GALNTL6: variants seen among roughly 807,000 people sequenced by gnomAD.
GALNTL6 encodes polypeptide N-acetylgalactosaminyltransferase like 6.
In GALNTL6, 46 loss-of-function variants were observed where a neutral mutation model predicts 73.7. The observed-to-expected ratio is 0.62, with a 90% CI of 0.49 to 0.80. GALNTL6 has a LOEUF of 0.80. Among genes scored for constraint, GALNTL6 ranks in the 30% least tolerant of loss-of-function variants. The probability of loss-of-function intolerance (pLI) is 0.00; values close to 1 mark genes in which losing one functional copy is unlikely to be tolerated. For synonymous variants in GALNTL6, 259 were observed against 263.7 expected, an observed-to-expected ratio of 0.98 and a Z score of 0.17; for missense variants, 604 against 755.0, an observed-to-expected ratio of 0.80 and a Z score of 2.34.
At chr4:172,208,528 T>C (rs1161892762) in intron 2 of GALNTL6, among the ~76,000 whole-genome samples, 1 of 152,146 alleles carries the variant, frequency 6.6e-6, no homozygotes, top group East Asian at 1.9e-4. Flanking sequence ...TATGATTTGG[T>C]ATTTTTCTAA....
chr4:172,370,997 T>A (rs1409596307), intron 5 of GALNTL6, among the ~76,000 whole-genome samples: 1 of 152,216 alleles, frequency 6.6e-6, no homozygotes, highest in African/African-American at 2.4e-5. Context: ...GGATTTTAAT[T>A]TTTCTTTGCT....
At position 172,109,561 on chromosome 4, in the gene GALNTL6, AT is replaced by A. The variant is rs150462096; in HGVS notation, c.139-120094del. Among the ~76,000 whole-genome samples, 70 of 152,358 alleles carry A rather than the reference AT, an allele frequency of 4.6e-4. 1 individual carries two copies. Among genetic ancestry groups the A allele is most frequent in the African/African-American group, 1.6e-3 (65 of 41,590 alleles). On this transcript the variant is annotated intron_variant, in intron 2 of 12. Coordinates refer to ENST00000506823, the MANE Select transcript of GALNTL6 (RefSeq NM_001034845.3). ...GAATGACCCAGTTGTAAAGTTGTGA[AT>A]AACTCTGTCAACAAAAATTTTTGCA...
intron 2 of GALNTL6, among the ~76,000 whole-genome samples, chr4:171,906,092 G>T (rs1474818742): frequency 6.6e-6 from 1 of 152,038 alleles, no homozygotes; most frequent in Non-Finnish European, 1.5e-5. Context: ...AACTAGAAAA[G>T]CAAGAGCAAA....
At chr4:172,371,535 T>C (rs1429989775) in intron 5 of GALNTL6, among the ~76,000 whole-genome samples, 2 of 152,232 alleles carry the variant, frequency 1.3e-5, no homozygotes, top group Non-Finnish European at 2.9e-5. Context: ...TCTCTCTTTC[T>C]TTCTCTTTGA....
At position 172,904,637 on chromosome 4, in the gene GALNTL6, C is replaced by G. The variant is rs543061561; in HGVS notation, c.1041+21730C>G. On this transcript the variant is annotated intron_variant, in intron 8 of 12. Transcript: ENST00000506823. ...GGTCCTCTCCTTTGCCCCTTCCTCT[C>G]CACCCTGGTCCTCCAGACCTGTTCC... Among the ~76,000 whole-genome samples the G allele has an allele frequency of 4.6e-5, 7 of 152,250 alleles. No individual in the cohort carries two copies. In the South Asian group the frequency reaches 1.2e-3, roughly 27 times the overall value.
At chr4:172,400,344 T>G (rs747419011) in intron 5 of GALNTL6, among the ~76,000 whole-genome samples, 6 of 152,260 alleles carry the variant, frequency 3.9e-5, no homozygotes, top group Non-Finnish European at 8.8e-5. Flanking sequence ...TTTGCAAAAT[T>G]TATTTGGTAC....
At chr4:172,347,433 A>G (rs1578980253) in intron 4 of GALNTL6, among the ~76,000 whole-genome samples, 1 of 152,226 alleles carries the variant, frequency 6.6e-6, no homozygotes, top group Non-Finnish European at 1.5e-5. Context: ...AACACTGTGA[A>G]GTGTAATGGT....
At chr4:173,022,182 A>C (rs1753040742) in intron 12 of GALNTL6, among the ~76,000 whole-genome samples, 1 of 142,018 alleles carries the variant, frequency 7.0e-6, no homozygotes, top group Admixed American at 7.1e-5. Context: ...GGAGAGAGGG[A>C]GGGAGGGAGG....
chr4:171,819,422 T>TAA (rs1344786684), intron 2 of GALNTL6, among the ~76,000 whole-genome samples: 1 of 152,252 alleles, frequency 6.6e-6, no homozygotes, highest in Admixed American at 6.5e-5. Context: ...AATAAATAAT[T>TAA]TTTCCCCTCT....
At chr4:171,975,930 AT>A (rs35300230) in intron 2 of GALNTL6, among the ~76,000 whole-genome samples, 65,249 of 151,500 alleles carry the variant, frequency 0.43, 16,788 homozygotes, top group Non-Finnish European at 0.57. Flanking sequence ...TACAAGCGGC[AT>A]TTTTTTTTAA....
At chr4:172,945,103 C>T (rs1285400875) in intron 9 of GALNTL6, among the ~76,000 whole-genome samples, 1 of 149,526 alleles carries the variant, frequency 6.7e-6, no homozygotes, top group Non-Finnish European at 1.5e-5. Context: ...AGAATGAATA[C>T]ATGCAGCTGC....
chr4:171,868,850 T>C (rs1736048215), intron 2 of GALNTL6, among the ~76,000 whole-genome samples: 1 of 152,108 alleles, frequency 6.6e-6, no homozygotes, highest in Non-Finnish European at 1.5e-5. Context: ...TGGCTAAGTT[T>C]TTGTATTTTT....
chr4:172,957,257 T>C (rs1001675172), intron 10 of GALNTL6, among the ~76,000 whole-genome samples: 3 of 152,060 alleles, frequency 2.0e-5, no homozygotes, highest in Admixed American at 2.0e-4. Context: ...ATTTCCATGA[T>C]GAAAAGGAAA....
intron 3 of GALNTL6, among the ~76,000 whole-genome samples, chr4:172,297,807 T>A (rs1345233906): frequency 6.6e-6 from 1 of 152,150 alleles, no homozygotes. Context: ...CTTTGTTCTT[T>A]TGGCTTAGGA....
chr4:172,179,312 C>T (rs1339818623), intron 2 of GALNTL6, among the ~76,000 whole-genome samples: 4 of 151,132 alleles, frequency 2.6e-5, no homozygotes, highest in Non-Finnish European at 5.9e-5. Flanking sequence ...TCCTCTCCAG[C>T]ACCTGTTGTT....
intron 9 of GALNTL6, among the ~76,000 whole-genome samples, chr4:172,947,729 CAT>C (rs765686297): frequency 1.3e-5 from 2 of 152,140 alleles, no homozygotes; most frequent in Non-Finnish European, 2.9e-5. Context: ...TGATTCTGCA[CAT>C]GTTTACACAG....
At chr4:172,848,987 G>A (rs1023664083) in intron 7 of GALNTL6, among the ~76,000 whole-genome samples, 1 of 152,118 alleles carries the variant, frequency 6.6e-6, no homozygotes, top group African/African-American at 2.4e-5. Context: ...CTGAAAGTCT[G>A]CTTCAGAAGC....
At chr4:172,380,059 C>A (rs1374815662) in intron 5 of GALNTL6, 6 of 960,062 alleles carry the variant, frequency 6.2e-6, no homozygotes, top group Non-Finnish European at 1.0e-5. Context: ...TAGCCTAGTC[C>A]CTGCTCTAGC....
At chr4:172,425,259 T>C (rs1473803001) in intron 5 of GALNTL6, 5 of 152,082 alleles carry the variant, frequency 3.3e-5, no homozygotes, top group Non-Finnish European at 5.9e-5. Context: ...GCAATGAATA[T>C]GATATCCTAC....
Sources: allele counts gnomAD v4.1 joint callset (sites outside exome capture counted in the v4.1 genomes callset), GRCh38; gene constraint gnomAD v4.1.1; transcripts MANE v1.5; gene names NCBI Gene and HGNC (gene_info 2026-07-23, HGNC 2026-07-21).